PNPLA8: variants seen among roughly 807,000 people sequenced by gnomAD.
PNPLA8 encodes the protein patatin like domain 8, phospholipase A2, also known as calcium-independent phospholipase A2-gamma.
A neutral mutation model predicts 76.9 loss-of-function variants in PNPLA8; 39 were observed. The observed-to-expected ratio is 0.51, with a 90% CI of 0.39 to 0.66. The LOEUF is 0.66. PNPLA8 is among the 30% of genes least tolerant of loss of function. The probability of loss-of-function intolerance (pLI) is 0.00; values close to 1 mark genes in which losing one functional copy is unlikely to be tolerated. For synonymous variants in PNPLA8, 301 were observed against 307.9 expected, an observed-to-expected ratio of 0.98 and a Z score of 0.24; for missense variants, 887 against 918.0, an observed-to-expected ratio of 0.97 and a Z score of 0.44.
chr7:108,513,318 A>T (rs1013281092), intron 4 of PNPLA8, among the ~76,000 whole-genome samples: 1 of 152,156 alleles, frequency 6.6e-6, no homozygotes, highest in African/African-American at 2.4e-5. Flanking sequence ...ACCATAAAAT[A>T]GTGAAGCTAC....
intron 10 of PNPLA8, among the ~76,000 whole-genome samples, chr7:108,477,946 C>T (rs1860116161): frequency 6.6e-6 from 1 of 152,190 alleles, no homozygotes; most frequent in Non-Finnish European, 1.5e-5. Flanking sequence ...ATATGCCAGG[C>T]ACTGGAGTCA....
At chr7:108,506,116 G>A (rs765901229) in intron 4 of PNPLA8, among the ~76,000 whole-genome samples, 21 of 152,136 alleles carry the variant, frequency 1.4e-4, no homozygotes, top group Non-Finnish European at 2.8e-4. Flanking sequence ...AGTGGCTCAC[G>A]GCTGTAATCC....
intron 8 of PNPLA8, 28 bp downstream of exon 8, chr7:108,491,382 T>A: frequency 1.4e-6 from 2 of 1,392,014 alleles, no homozygotes; most frequent in Non-Finnish European, 2.0e-6. Flanking sequence ...TGGAACTAGG[T>A]GTTATATTTA....
At chr7:108,506,767 A>G (rs994686514) in intron 4 of PNPLA8, among the ~76,000 whole-genome samples, 1 of 152,086 alleles carries the variant, frequency 6.6e-6, no homozygotes, top group Non-Finnish European at 1.5e-5. Context: ...AACATGCAAA[A>G]AGAGGCACAA....
chr7:108,526,487 T>G (rs548798457), upstream of PNPLA8, among the ~76,000 whole-genome samples: 56 of 152,346 alleles, frequency 3.7e-4, no homozygotes, highest in African/African-American at 1.3e-3. Context: ...AGCAGTGTCC[T>G]GGTTTGCTTG....
upstream of PNPLA8, among the ~76,000 whole-genome samples, chr7:108,527,165 C>G (rs1469846322): frequency 1.3e-5 from 2 of 152,166 alleles, no homozygotes; most frequent in Non-Finnish European, 2.9e-5. Context: ...ACCCACTACC[C>G]ATGGGTATGT....
At chr7:108,492,251 A>G (rs753487146) in intron 7 of PNPLA8, among the ~76,000 whole-genome samples, 1 of 152,240 alleles carries the variant, frequency 6.6e-6, no homozygotes, top group Non-Finnish European at 1.5e-5. Context: ...AAGAATATTT[A>G]CAAACTGCTC....
upstream of PNPLA8, chr7:108,526,153 G>A (rs780879785): frequency 5.8e-5 from 53 of 911,238 alleles, no homozygotes; most frequent in Admixed American, 1.2e-4. Context: ...CAGCTAGGTC[G>A]CCACCCACTC....
chr7:108,510,899 A>C, intron 4 of PNPLA8: 1 of 1,589,360 alleles, frequency 6.3e-7, no homozygotes, highest in Non-Finnish European at 8.5e-7. Context: ...GAAGAAAAAG[A>C]CCACCCATTT....
chr7:108,507,489 A>C (rs1327232845), intron 4 of PNPLA8, among the ~76,000 whole-genome samples: 1 of 151,862 alleles, frequency 6.6e-6, no homozygotes, highest in Non-Finnish European at 1.5e-5. Flanking sequence ...CCCTCTTTCC[A>C]CAAAAAATAC....
intron 9 of PNPLA8, among the ~76,000 whole-genome samples, chr7:108,482,382 G>T (rs374797601): frequency 6.6e-6 from 1 of 152,186 alleles, no homozygotes; most frequent in Non-Finnish European, 1.5e-5. Context: ...TGAGGCAAGA[G>T]AATCACCTGA....
At chr7:108,517,772 G>A (rs1170337423) in intron 2 of PNPLA8, among the ~76,000 whole-genome samples, 3 of 152,090 alleles carry the variant, frequency 2.0e-5, no homozygotes. Context: ...GGGTGTCTGT[G>A]TGTGTGTGTT....
In PNPLA8 at chr7:108,505,923, T is replaced by G. The variant is rs141001380; in HGVS notation, c.1207-3281A>C. 1.4e-3 allele frequency among the ~76,000 whole-genome samples: 212 copies of G among 152,066 alleles called. 1 individual carries two copies. Among genetic ancestry groups the G allele is most frequent in the African/African-American group, 4.9e-3 (202 of 41,478 alleles). Reference sequence around the variant, plus strand: ...ATGAAGAAAAAGTTGGTGAACCCAATGGAAAAATAGGCAAGATCTGGAATA... The same window carrying G: ...ATGAAGAAAAAGTTGGTGAACCCAAGGGAAAAATAGGCAAGATCTGGAATA... On this transcript the variant is annotated intron_variant, in intron 4 of 10. Coordinates refer to ENST00000257694, the MANE Select transcript of PNPLA8 (RefSeq NM_001256007.3).
At chr7:108,520,087 T>C (rs1423226324) in intron 2 of PNPLA8, among the ~76,000 whole-genome samples, 1 of 152,208 alleles carries the variant, frequency 6.6e-6, no homozygotes, top group Non-Finnish European at 1.5e-5. Context: ...CACTGGGATA[T>C]TTAAGTAATC....
chr7:108,521,097 A>C (rs1429498267), intron 2 of PNPLA8, among the ~76,000 whole-genome samples: 1 of 152,152 alleles, frequency 6.6e-6, no homozygotes, highest in Non-Finnish European at 1.5e-5. Context: ...AAAACATGCA[A>C]AGAAATGCAC....
chr7:108,522,985 G>A (rs938136973), intron 1 of PNPLA8, among the ~76,000 whole-genome samples: 1 of 152,148 alleles, frequency 6.6e-6, no homozygotes, highest in Non-Finnish European at 1.5e-5. Context: ...TAAATGCAAG[G>A]TAAGTGTTTT....
At chr7:108,499,256 T>C (rs1027243091) in intron 5 of PNPLA8, among the ~76,000 whole-genome samples, 4 of 152,008 alleles carry the variant, frequency 2.6e-5, no homozygotes, top group African/African-American at 9.7e-5. Context: ...GGTTTTGGGG[T>C]TTTTTTCTCT....
chr7:108,479,487 G>A (rs1244606383), intron 9 of PNPLA8, 108 bp from the exon 10 acceptor site: 1 of 765,532 alleles, frequency 1.3e-6, no homozygotes, highest in East Asian at 2.7e-5. Context: ...TTCCTTAAAA[G>A]TGCATTTCTT....
At chr7:108,495,473 G>A (rs896387116) in intron 7 of PNPLA8, among the ~76,000 whole-genome samples, 1 of 152,056 alleles carries the variant, frequency 6.6e-6, no homozygotes, top group African/African-American at 2.4e-5. Context: ...ATATACACTT[G>A]TCTATCTGTA....
Sources: gnomAD v4.1 joint callset for allele counts (sites outside exome capture counted in the v4.1 genomes callset) on GRCh38, gnomAD v4.1.1 for gene constraint, MANE v1.5 for transcripts, NCBI Gene and HGNC (gene_info 2026-07-23, HGNC 2026-07-21) for gene names.